OSBPL6: variants seen among roughly 807,000 people sequenced by gnomAD.
OSBPL6 encodes oxysterol binding protein like 6, also known as oxysterol-binding protein-related protein 6.
A neutral mutation model predicts 125.8 loss-of-function variants in OSBPL6; 49 were observed. That is an observed-to-expected ratio of 0.39 (90% confidence interval 0.31 to 0.49). The LOEUF (loss-of-function observed/expected upper bound fraction) is 0.49, where lower values mean the gene tolerates loss of function less well. Ranked by LOEUF, OSBPL6 falls within the 20% of genes least tolerant of loss-of-function variation. The pLI, the probability that OSBPL6 is intolerant of heterozygous loss-of-function variation, is 0.88. For synonymous variants in OSBPL6, 394 were observed against 391.8 expected (o/e 1.01, Z -0.07); for missense variants, 986 against 1,135.4 (o/e 0.87, Z 1.89).
chr2:178,346,834 T>C (rs1690763197), intron 11 of OSBPL6, among the ~76,000 whole-genome samples: 1 of 152,206 alleles, frequency 6.6e-6, no homozygotes, highest in South Asian at 2.1e-4. Flanking sequence ...CATGAATTCC[T>C]CAATTAAAAT....
At chr2:178,384,295 G>A in intron 18 of OSBPL6, 119 bp downstream of exon 18, 3 of 1,312,410 alleles carry the variant, frequency 2.3e-6, no homozygotes, top group Non-Finnish European at 3.2e-6. Flanking sequence ...TGAATTCGAA[G>A]TATCTGAGAC....
At chr2:178,377,343 C>T (rs1202891050) in intron 15 of OSBPL6, among the ~76,000 whole-genome samples, 2 of 152,172 alleles carry the variant, frequency 1.3e-5, no homozygotes, top group Admixed American at 6.5e-5. Flanking sequence ...AACTCACTCA[C>T]GATCAGGAAG....
intron 12 of OSBPL6, among the ~76,000 whole-genome samples, chr2:178,351,332 T>C (rs749229467): frequency 3.9e-5 from 6 of 152,172 alleles, no homozygotes; most frequent in Non-Finnish European, 7.3e-5. Context: ...CATGATCCTA[T>C]GTGTAGAAAA....
At chr2:178,257,048 G>A (rs999994870) in intron 1 of OSBPL6, among the ~76,000 whole-genome samples, 1 of 152,144 alleles carries the variant, frequency 6.6e-6, no homozygotes, top group Non-Finnish European at 1.5e-5. Flanking sequence ...GAATATATGT[G>A]TGTCTTAGCA....
intron 2 of OSBPL6, among the ~76,000 whole-genome samples, chr2:178,294,488 T>A (rs1404414267): frequency 6.6e-6 from 1 of 152,170 alleles, no homozygotes; most frequent in Non-Finnish European, 1.5e-5. Context: ...GCTACTCAAA[T>A]GTTTGAAGAT....
chr2:178,398,505 C>G lies in OSBPL6; in HGVS notation c.*2946C>G, dbSNP rs1228687272. 1.3e-5 allele frequency: 2 copies of G among 152,130 alleles called. No homozygotes were observed. The highest frequency in any genetic ancestry group is 4.8e-5 in the African/African-American group (2 of 41,416). The allele number at this position is 152,130 out of a possible 1,614,324, so 9.4% of individuals were successfully genotyped here. ...CTCATCGATTCCATATGCTGTCACC[C>G]AGGGTGCAGATTTACTCTCTTTTGC... On this transcript the variant is annotated 3_prime_UTR_variant, in exon 25 of 25. Coordinates refer to ENST00000190611, the MANE Select transcript of OSBPL6 (RefSeq NM_032523.4).
intron 23 of OSBPL6, 107 bp downstream of exon 23, chr2:178,392,645 C>A: frequency 7.1e-7 from 1 of 1,412,080 alleles, no homozygotes. Flanking sequence ...CACTTGAGGT[C>A]AGGAATTCAA....
intron 3 of OSBPL6, among the ~76,000 whole-genome samples, chr2:178,317,434 C>T (rs1687839008): frequency 1.0e-5 from 1 of 96,890 alleles, no homozygotes; most frequent in South Asian, 3.5e-4. Flanking sequence ...GAAACTTAGA[C>T]ACCATATATA....
rs1028924985 is a variant in OSBPL6 at position 178,339,671 on chromosome 2, G to A, written c.895-1G>A. 6.3e-7 allele frequency: 1 copy of A among 1,597,222 alleles called. No homozygotes were observed. Among genetic ancestry groups the A allele is most frequent in the African/African-American group, 1.4e-5 (1 of 73,994 alleles). ...TGCTTTTAACTATTTGTGTAATGTA[G>A]GCTAACTGTGTAGATATTTCAAAGA... is the stretch of plus-strand genomic sequence containing the variant. On this transcript the variant is annotated splice_acceptor_variant, in intron 10 of 24. Transcript: ENST00000190611. LOFTEE classifies it high-confidence loss of function.
intron 1 of OSBPL6, among the ~76,000 whole-genome samples, chr2:178,216,828 G>A (rs150156946): frequency 5.5e-4 from 84 of 152,296 alleles, no homozygotes; most frequent in African/African-American, 2.0e-3. Flanking sequence ...AATTGAGGGT[G>A]ACCTGAGTCA....
chr2:178,360,121 G>A (rs560986994), intron 12 of OSBPL6, among the ~76,000 whole-genome samples: 1 of 152,042 alleles, frequency 6.6e-6, no homozygotes, highest in Admixed American at 6.6e-5. Context: ...AAATAGTATT[G>A]CATGATCTCA....
intron 1 of OSBPL6, among the ~76,000 whole-genome samples, chr2:178,221,497 T>C (rs938660408): frequency 1.3e-5 from 2 of 152,226 alleles, no homozygotes; most frequent in Non-Finnish European, 2.9e-5. Flanking sequence ...TTATTGGAAA[T>C]GTATGTTAAG....
intron 11 of OSBPL6, among the ~76,000 whole-genome samples, chr2:178,342,784 A>G (rs554546489): frequency 5.3e-5 from 8 of 152,338 alleles, no homozygotes; most frequent in African/African-American, 1.9e-4. Flanking sequence ...TGCTGATCAT[A>G]TGAATTAAAT....
intron 2 of OSBPL6, among the ~76,000 whole-genome samples, chr2:178,291,675 T>G (rs1339049220): frequency 6.7e-6 from 1 of 148,830 alleles, no homozygotes; most frequent in Non-Finnish European, 1.5e-5. Context: ...TCTTCCTTCC[T>G]TCCTTCCTTC....
intron 24 of OSBPL6, 152 bp downstream of exon 24, chr2:178,394,587 G>A (rs1695687818): frequency 3.9e-6 from 4 of 1,035,530 alleles, no homozygotes; most frequent in Non-Finnish European, 5.5e-6. Flanking sequence ...TTGCACTTAT[G>A]AAAAGTTAGT....
At chr2:178,278,979 G>A (rs951334771) in intron 1 of OSBPL6, among the ~76,000 whole-genome samples, 2 of 152,220 alleles carry the variant, frequency 1.3e-5, no homozygotes, top group Non-Finnish European at 1.5e-5. Flanking sequence ...TAGAAATGGT[G>A]TGAGCATTGA....
chr2:178,308,003 T>C (rs1040483020), intron 3 of OSBPL6, among the ~76,000 whole-genome samples: 8 of 152,222 alleles, frequency 5.3e-5, no homozygotes, highest in Admixed American at 5.2e-4. Flanking sequence ...AAAAGTTTTA[T>C]GATGGGAATG....
intron 1 of OSBPL6, among the ~76,000 whole-genome samples, chr2:178,246,156 C>T (rs192491771): frequency 2.6e-5 from 4 of 152,266 alleles, no homozygotes; most frequent in Non-Finnish European, 5.9e-5. Flanking sequence ...TTCATGTCAC[C>T]ATTCTCTGTC....
intron 1 of OSBPL6, among the ~76,000 whole-genome samples, chr2:178,200,677 TG>T (rs2089199875): frequency 6.6e-6 from 1 of 152,234 alleles, no homozygotes; most frequent in Admixed American, 6.5e-5. Flanking sequence ...GATGGAGTGT[TG>T]TACAGGGGTG....
Sources: allele counts gnomAD v4.1 joint callset (sites outside exome capture counted in the v4.1 genomes callset), GRCh38; gene constraint gnomAD v4.1.1; transcripts MANE v1.5; gene names NCBI Gene and HGNC (gene_info 2026-07-23, HGNC 2026-07-21).